INSL6: variants seen among roughly 807,000 people sequenced by gnomAD.
INSL6 encodes insulin like 6.
Under a neutral mutation model 9.4 loss-of-function variants are expected in INSL6, and 16 were observed. The observed-to-expected ratio is 1.70, with a 90% CI of 1.15 to 2.59. INSL6 has a LOEUF of 2.59. INSL6 is among the 30% of genes most tolerant of loss of function. The pLI is 0.00. For missense variants in INSL6, 391 were observed against 257.3 expected (o/e 1.52, Z -3.56); for synonymous variants, 154 against 96.9 (o/e 1.59, Z -3.46).
the INSL6 span, among the ~76,000 whole-genome samples, chr9:5,065,228 TC>T: frequency 1.3e-5 from 2 of 152,344 alleles, no homozygotes; most frequent in South Asian, 2.1e-4. Flanking sequence ...ACCATCTGTA[TC>T]CCAATCTATA....
At chr9:4,992,369 C>T in the INSL6 span, among the ~76,000 whole-genome samples, 1 of 152,134 alleles carries the variant, frequency 6.6e-6, no homozygotes, top group Non-Finnish European at 1.5e-5. Flanking sequence ...TAACTTCTGC[C>T]ATGTCCTACT....
the INSL6 span, chr9:5,090,731 A>T: frequency 6.3e-7 from 1 of 1,582,820 alleles, no homozygotes; most frequent in Non-Finnish European, 8.5e-7. Context: ...AAAATGTTTT[A>T]TCCATAGGGT....
chr9:5,121,020 G>T (rs921933168), downstream of INSL6, among the ~76,000 whole-genome samples: 1 of 152,150 alleles, frequency 6.6e-6, no homozygotes, highest in African/African-American at 2.4e-5. Context: ...ATAGGTGGAT[G>T]ATACTATCTA....
At chr9:5,160,817 G>T (rs1220144776), downstream of INSL6, among the ~76,000 whole-genome samples, 1 of 152,064 alleles carries the variant, frequency 6.6e-6, no homozygotes, top group African/African-American at 2.4e-5. Flanking sequence ...GCAACTATAT[G>T]CCAAAAAACT....
chr9:5,139,706 T>C (rs1265225071), intron 2 of INSL6, among the ~76,000 whole-genome samples: 1 of 152,192 alleles, frequency 6.6e-6, no homozygotes, highest in African/African-American at 2.4e-5. Flanking sequence ...AGAGGTTAGC[T>C]TGACTTGCTC....
At chr9:5,144,304 G>T (rs1020871579) in intron 2 of INSL6, among the ~76,000 whole-genome samples, 1 of 152,168 alleles carries the variant, frequency 6.6e-6, no homozygotes, top group African/African-American at 2.4e-5. Flanking sequence ...CCATGTAATT[G>T]TATGGCTTTG....
the INSL6 span, among the ~76,000 whole-genome samples, chr9:5,086,402 A>C: frequency 2.0e-5 from 3 of 152,236 alleles, no homozygotes; most frequent in African/African-American, 7.2e-5. Flanking sequence ...TGGGATTCAG[A>C]GATCAGGATC....
chr9:5,056,220 G>A, the INSL6 span, among the ~76,000 whole-genome samples: 1 of 152,044 alleles, frequency 6.6e-6, no homozygotes, highest in South Asian at 2.1e-4. Context: ...TCAATCCCAG[G>A]TCAGCCCCAC....
the INSL6 span, among the ~76,000 whole-genome samples, chr9:5,024,645 G>T: frequency 6.6e-6 from 1 of 152,000 alleles, no homozygotes; most frequent in Non-Finnish European, 1.5e-5. Context: ...TCTCTGTTTT[G>T]GTTTTCAGTG....
the INSL6 span, among the ~76,000 whole-genome samples, chr9:5,104,360 C>T: frequency 6.6e-6 from 1 of 152,124 alleles, no homozygotes; most frequent in Non-Finnish European, 1.5e-5. Flanking sequence ...CAAGACTAAA[C>T]CAGGAAGAAG....
the INSL6 span, among the ~76,000 whole-genome samples, chr9:5,086,306 T>C: frequency 6.6e-6 from 1 of 152,162 alleles, no homozygotes; most frequent in Non-Finnish European, 1.5e-5. Context: ...TGAAACCTCT[T>C]ATATTCTTTA....
At chr9:5,159,942 G>C (rs761972914), downstream of INSL6, among the ~76,000 whole-genome samples, 1 of 152,124 alleles carries the variant, frequency 6.6e-6, no homozygotes, top group Non-Finnish European at 1.5e-5. Flanking sequence ...TGGGAGGCCA[G>C]GGCGGGTGGA....
the INSL6 span, among the ~76,000 whole-genome samples, chr9:5,021,127 G>C: frequency 2.0e-5 from 3 of 152,172 alleles, no homozygotes; most frequent in Admixed American, 2.0e-4. Flanking sequence ...ACATTGTGCA[G>C]GCTCTCTAGG....
At chr9:5,079,043 C>A in the INSL6 span, among the ~76,000 whole-genome samples, 3 of 152,116 alleles carry the variant, frequency 2.0e-5, no homozygotes, top group African/African-American at 7.2e-5. Flanking sequence ...AATTTAGATT[C>A]TAAATTGATC....
chr9:5,129,200 T>C (rs747582688), intron 3 of INSL6, among the ~76,000 whole-genome samples: 1 of 152,110 alleles, frequency 6.6e-6, no homozygotes, highest in Non-Finnish European at 1.5e-5. Context: ...TGATGGTGGG[T>C]GTGGCATTAT....
At chr9:5,065,705 A>T in the INSL6 span, among the ~76,000 whole-genome samples, 1 of 152,226 alleles carries the variant, frequency 6.6e-6, no homozygotes, top group African/African-American at 2.4e-5. Flanking sequence ...GCTAGCTATC[A>T]TGCATAACAT....
At chr9:5,109,348 A>G in the INSL6 span, 1 of 152,156 alleles carries the variant, frequency 6.6e-6, no homozygotes, top group Non-Finnish European at 1.5e-5. Context: ...AGAAGCCTGC[A>G]ACTTCTTATC....
the INSL6 span, among the ~76,000 whole-genome samples, chr9:5,013,191 T>C: frequency 6.6e-6 from 1 of 152,226 alleles, no homozygotes; most frequent in African/African-American, 2.4e-5. Context: ...GCACTTTTTT[T>C]CTAATAACTT....
At chr9:5,120,863 T>C (rs1411000063), downstream of INSL6, among the ~76,000 whole-genome samples, 5 of 152,200 alleles carry the variant, frequency 3.3e-5, no homozygotes, top group East Asian at 1.9e-4. Context: ...ATGCTATTTA[T>C]TGCATAAGAA....
Sources: allele counts gnomAD v4.1 joint callset (sites outside exome capture counted in the v4.1 genomes callset), GRCh38; gene constraint gnomAD v4.1.1; transcripts MANE v1.5; gene names NCBI Gene and HGNC (gene_info 2026-07-23, HGNC 2026-07-21).